Variants in TRIO observed in about 807,000 individuals in gnomAD.
The protein encoded by TRIO is triple functional domain protein.
Under a neutral mutation model 351.9 loss-of-function variants are expected in TRIO, and 58 were observed. That is an observed-to-expected ratio of 0.16 (90% CI 0.13 to 0.21). TRIO has a LOEUF of 0.21. Among genes scored for constraint, TRIO ranks in the 10% least tolerant of loss-of-function variants. The pLI is 1.00. For synonymous variants in TRIO, 1,758 were observed against 1,595.7 expected, an observed-to-expected ratio of 1.10 and a Z score of -2.42; for missense variants, 3,201 against 4,027.8, an observed-to-expected ratio of 0.79 and a Z score of 5.56.
In TRIO at chr5:14,386,162, C is replaced by T. The variant is rs542156005; in HGVS notation, c.3571-1276C>T. On this transcript the variant is annotated intron_variant, in intron 21 of 56. Coordinates refer to ENST00000344204, the MANE Select transcript of TRIO (RefSeq NM_007118.4). ...AGTTTAAGGGGGTCCAGGGAGGGCC[C>T]GCTAAGAGAGTGGCGTTTATTTGAG... Among the ~76,000 whole-genome samples the T allele has an allele frequency of 5.3e-5, 8 of 152,246 alleles. No homozygotes were observed. In the South Asian group the frequency reaches 1.7e-3, roughly 32 times the overall value.
intron 34 of TRIO, among the ~76,000 whole-genome samples, chr5:14,425,664 G>A (rs1750582269): frequency 6.6e-6 from 1 of 152,174 alleles, no homozygotes; most frequent in Non-Finnish European, 1.5e-5. Context: ...CAATGTGATG[G>A]TATTAAGAGG....
chr5:14,195,545 T>A (rs1361197250), intron 1 of TRIO, among the ~76,000 whole-genome samples: 2 of 152,234 alleles, frequency 1.3e-5, no homozygotes, highest in African/African-American at 4.8e-5. Flanking sequence ...AAATATCTTA[T>A]TCCTCATCAC....
intron 1 of TRIO, among the ~76,000 whole-genome samples, chr5:14,160,283 T>G (rs1173450333): frequency 6.6e-6 from 1 of 152,234 alleles, no homozygotes; most frequent in Non-Finnish European, 1.5e-5. Context: ...CTTAGTGCAG[T>G]GCCTCCCGCC....
At chr5:14,228,796 G>A (rs897237103) in intron 1 of TRIO, among the ~76,000 whole-genome samples, 3 of 152,028 alleles carry the variant, frequency 2.0e-5, no homozygotes, top group South Asian at 2.1e-4. Flanking sequence ...GCTTGAACCC[G>A]AGAGGCGGAG....
chr5:14,286,680 A>G lies in TRIO; in HGVS notation c.348-191A>G, dbSNP rs1581530866. Among the ~76,000 whole-genome samples, 1 of 152,226 alleles carries G rather than the reference A, an allele frequency of 6.6e-6. No homozygotes were observed. The highest frequency in any genetic ancestry group is 6.5e-5 in the Admixed American group (1 of 15,280). On this transcript the variant is annotated intron_variant, in intron 3 of 56. Transcript: ENST00000344204. This position sits in a 1 kb window ranked among gnomAD's most constrained non-coding sequence, Gnocchi z 4.4. ...TTTGCAGGTTGAACATGAAGCGTGT[A>G]TAGCCTGGGTCTCTTCCTTTATGGT...
chr5:14,314,651 C>G (rs535347702), intron 8 of TRIO, among the ~76,000 whole-genome samples: 1 of 152,180 alleles, frequency 6.6e-6, no homozygotes, highest in African/African-American at 2.4e-5. Context: ...TAGATGATCA[C>G]GAAAAGCAGG....
At chr5:14,369,285 C>A in intron 17 of TRIO, 89 bp from the exon 18 acceptor site, 2 of 1,494,724 alleles carry the variant, frequency 1.3e-6, no homozygotes, top group South Asian at 1.4e-5. Flanking sequence ...GCATCTTCAT[C>A]CCCAGAGCCC....
intron 10 of TRIO, among the ~76,000 whole-genome samples, chr5:14,333,365 C>T (rs1297691069): frequency 1.3e-5 from 2 of 152,084 alleles, no homozygotes; most frequent in Non-Finnish European, 2.9e-5. Flanking sequence ...CTTGGGATGC[C>T]GTGTTTTCCC....
chr5:14,266,363 A>G (rs1407760684), intron 1 of TRIO, among the ~76,000 whole-genome samples: 1 of 152,050 alleles, frequency 6.6e-6, no homozygotes, highest in Non-Finnish European at 1.5e-5. Context: ...CATCTGATGA[A>G]TGCCCTTTGC....
In TRIO at chr5:14,374,211, C is replaced by T; in HGVS notation, c.3217-18C>T. On this transcript the variant is annotated intron_variant, in intron 18 of 56. Coordinates refer to ENST00000344204, the MANE Select transcript of TRIO (RefSeq NM_007118.4). ...TAGAAGTCAAATTAGCAACACATTGCTCTCCATTGTTTTTTAGGCTTGCAC... is the reference window on the plus strand; with the variant it reads ...TAGAAGTCAAATTAGCAACACATTGTTCTCCATTGTTTTTTAGGCTTGCAC... The T allele has an allele frequency of 6.2e-7, 1 of 1,604,436 alleles. No individual in the cohort carries two copies. Among genetic ancestry groups the T allele is most frequent in the Non-Finnish European group, 8.5e-7 (1 of 1,172,340 alleles).
intron 1 of TRIO, among the ~76,000 whole-genome samples, chr5:14,248,810 C>T (rs1794584727): frequency 2.6e-5 from 4 of 152,164 alleles, no homozygotes; most frequent in Admixed American, 2.6e-4. Context: ...GCAAGCCCAC[C>T]AATAAGAAAT....
chr5:14,451,625 C>T (rs26092), intron 34 of TRIO, among the ~76,000 whole-genome samples: 20,668 of 152,288 alleles, frequency 0.14, 1,725 homozygotes, highest in Admixed American at 0.22. Flanking sequence ...GCCAGTTATA[C>T]CTGATTACAC....
chr5:14,296,366 A>C (rs1164946461), intron 6 of TRIO, among the ~76,000 whole-genome samples: 1 of 152,252 alleles, frequency 6.6e-6, no homozygotes, highest in Admixed American at 6.5e-5. Flanking sequence ...TTGGAGGTGG[A>C]AAGGGAAACT....
At chr5:14,402,061 A>G (rs1748116863) in intron 31 of TRIO, among the ~76,000 whole-genome samples, 1 of 152,204 alleles carries the variant, frequency 6.6e-6, no homozygotes, top group Admixed American at 6.5e-5. Context: ...TGCAGTGAAT[A>G]TGTGATTATC....
intron 1 of TRIO, among the ~76,000 whole-genome samples, chr5:14,193,815 C>T (rs918946102): frequency 2.6e-5 from 4 of 152,136 alleles, no homozygotes; most frequent in Non-Finnish European, 4.4e-5. Context: ...ATTCTTATAG[C>T]CTCCAAAAAT....
chr5:14,213,333 T>C (rs1180290533), intron 1 of TRIO, among the ~76,000 whole-genome samples: 1 of 149,162 alleles, frequency 6.7e-6, no homozygotes, highest in Non-Finnish European at 1.5e-5. Context: ...GACACTATAC[T>C]ATATTAATAC....
At chr5:14,418,585 A>G (rs1473926847) in intron 33 of TRIO, among the ~76,000 whole-genome samples, 1 of 152,198 alleles carries the variant, frequency 6.6e-6, no homozygotes, top group Non-Finnish European at 1.5e-5. Flanking sequence ...GTGGGAGGGC[A>G]TGATGAGTCA....
In TRIO at chr5:14,262,461, G is replaced by T. The variant is rs57519097; in HGVS notation, c.158-8364G>T. Among the ~76,000 whole-genome samples the T allele has an allele frequency of 7.3e-3, 1,105 of 152,268 alleles. 12 individuals are homozygous for T. Among genetic ancestry groups the T allele is most frequent in the African/African-American group, 0.025 (1,049 of 41,536 alleles). ...GAGGTTGTGGAGGCAGCATACATCA[G>T]ATCATGAGGGACTGTAGTTGCGGGC... On this transcript the variant is annotated intron_variant, in intron 1 of 56. Transcript: ENST00000344204.
At chr5:14,181,172 TAAA>T (rs33999434) in intron 1 of TRIO, among the ~76,000 whole-genome samples, 1 of 148,266 alleles carries the variant, frequency 6.7e-6, no homozygotes, top group Non-Finnish European at 1.5e-5. Context: ...ACTGCAGACT[TAAA>T]AAAAAAAGAC....
Sources: gnomAD v4.1 joint callset for allele counts (sites outside exome capture counted in the v4.1 genomes callset) on GRCh38, gnomAD v4.1.1 for gene constraint, Gnocchi (gnomAD v3.1) non-coding constraint, MANE v1.5 for transcripts, NCBI Gene and HGNC (gene_info 2026-07-23, HGNC 2026-07-21) for gene names.